The following TMEM232 variants were observed in gnomAD, a reference collection of about 807,000 sequenced individuals.
TMEM232 encodes transmembrane protein 232.
Under a neutral mutation model 78.8 loss-of-function variants are expected in TMEM232, and 80 were observed. The ratio of observed to expected loss-of-function variants is 1.01; its 90% CI spans 0.85 to 1.22. TMEM232 has a LOEUF of 1.22. TMEM232 is among the 50% of genes most tolerant of loss of function. The pLI is 0.00. For missense variants in TMEM232, 881 were observed against 742.2 expected, an observed-to-expected ratio of 1.19 and a Z score of -2.17; for synonymous variants, 297 against 254.3, an observed-to-expected ratio of 1.17 and a Z score of -1.60.
chr5:110,422,391 G>T (rs1756745437), intron 13 of TMEM232, among the ~76,000 whole-genome samples: 1 of 151,216 alleles, frequency 6.6e-6, no homozygotes, highest in African/African-American at 2.4e-5. Context: ...GTGGTGGCGG[G>T]TGCCTGTAGG....
chr5:110,663,393 T>C (rs749838968), intron 2 of TMEM232, among the ~76,000 whole-genome samples: 7 of 151,852 alleles, frequency 4.6e-5, no homozygotes, highest in Non-Finnish European at 8.8e-5. Context: ...AGAAAACACA[T>C]GGAAGTAATT....
At chr5:110,615,994 C>T (rs753720267) in intron 8 of TMEM232, among the ~76,000 whole-genome samples, 1 of 151,970 alleles carries the variant, frequency 6.6e-6, no homozygotes, top group Admixed American at 6.6e-5. Flanking sequence ...AATGTCCATA[C>T]TACCCAAAGT....
At chr5:110,519,606 C>T (rs1245433971) in intron 12 of TMEM232, among the ~76,000 whole-genome samples, 5 of 151,774 alleles carry the variant, frequency 3.3e-5, no homozygotes, top group African/African-American at 1.2e-4. Flanking sequence ...TATGTTTCAT[C>T]AATCCCACTG....
intron 12 of TMEM232, among the ~76,000 whole-genome samples, chr5:110,507,970 G>T (rs1336900144): frequency 6.6e-6 from 1 of 152,168 alleles, no homozygotes; most frequent in African/African-American, 2.4e-5. Context: ...CTTGATATCT[G>T]TATGCTAATA....
chr5:110,738,905 C>G, upstream of TMEM232: 1 of 1,299,294 alleles, frequency 7.7e-7, no homozygotes, highest in Non-Finnish European at 1.0e-6. Flanking sequence ...TCCAGGTTAC[C>G]GCCGCGTCTC....
chr5:110,661,528 T>A, intron 2 of TMEM232, among the ~76,000 whole-genome samples: 1 of 152,006 alleles, frequency 6.6e-6, no homozygotes, highest in Non-Finnish European at 1.5e-5. Context: ...CCCAGGCTGG[T>A]CTCAAACTCC....
chr5:110,428,566 A>G (rs943129950), intron 12 of TMEM232, among the ~76,000 whole-genome samples: 2 of 151,646 alleles, frequency 1.3e-5, no homozygotes, highest in Non-Finnish European at 3.0e-5. Flanking sequence ...AATTGACCTA[A>G]TCACATGAAT....
chr5:110,537,291 ATT>A (rs1377106617), intron 11 of TMEM232, among the ~76,000 whole-genome samples: 2 of 136,362 alleles, frequency 1.5e-5, no homozygotes, highest in African/African-American at 6.3e-5. Context: ...ATATATATAT[ATT>A]TTTTTTTTTC....
At position 110,585,750 on chromosome 5, in the gene TMEM232, A is replaced by G. The variant is rs1778737762; in HGVS notation, c.1277-17125T>C. ...GGCTGCAGTGAGCATGAGGGAGGAA[A>G]GAGTGCCTGCAGCAGTTTCTCATCC... On this transcript the variant is annotated intron_variant, in intron 10 of 13. Transcript: ENST00000455884. 2.0e-5 allele frequency among the ~76,000 whole-genome samples: 3 copies of G among 152,122 alleles called. No individual in the cohort carries two copies. In the South Asian group the frequency reaches 6.2e-4, roughly 31 times the overall value.
intron 11 of TMEM232, among the ~76,000 whole-genome samples, chr5:110,531,236 C>G (rs966955834): frequency 1.3e-5 from 2 of 152,110 alleles, no homozygotes; most frequent in African/African-American, 4.8e-5. Flanking sequence ...TTCACTGACT[C>G]TCTTTTTAGA....
At chr5:110,446,740 T>C (rs1284147160) in intron 12 of TMEM232, among the ~76,000 whole-genome samples, 1 of 152,152 alleles carries the variant, frequency 6.6e-6, no homozygotes, top group East Asian at 1.9e-4. Flanking sequence ...TGAGGTACAT[T>C]AGAAATTATT....
intron 11 of TMEM232, among the ~76,000 whole-genome samples, chr5:110,562,815 C>G (rs1421298467): frequency 1.3e-5 from 2 of 151,678 alleles, no homozygotes; most frequent in East Asian, 1.9e-4. Flanking sequence ...TCTGTAGTGT[C>G]TTAATATTAA....
chr5:110,404,396 A>C (rs190913155), intron 2 of TMEM232, among the ~76,000 whole-genome samples: 27 of 152,164 alleles, frequency 1.8e-4, no homozygotes, highest in African/African-American at 6.5e-4. Context: ...GGAGAAAAAA[A>C]CTATTTTATT....
At position 110,498,119 on chromosome 5, in the gene TMEM232, A is replaced by G. The variant is rs188771734; in HGVS notation, c.1703+30469T>C. ...ATAAGCATGGGAAATCATGTAATGTATATGTAAAATAAAGTATCCCAAATC... is the reference window on the plus strand; with the variant it reads ...ATAAGCATGGGAAATCATGTAATGTGTATGTAAAATAAAGTATCCCAAATC... On this transcript the variant is annotated intron_variant, in intron 12 of 13. Coordinates refer to ENST00000455884, the MANE Select transcript of TMEM232 (RefSeq NM_001039763.4). Among the ~76,000 whole-genome samples, 52 of 152,336 alleles carry G rather than the reference A, an allele frequency of 3.4e-4. 1 individual carries two copies. The East Asian group carries it at 9.3e-3, about 27-fold the overall frequency.
intron 12 of TMEM232, among the ~76,000 whole-genome samples, chr5:110,438,626 G>A (rs1052957348): frequency 1.1e-4 from 16 of 151,858 alleles, no homozygotes; most frequent in East Asian, 1.9e-4. Flanking sequence ...TTTACTTTCC[G>A]CAAGCAGAAT....
At chr5:110,685,815 C>A (rs1001124313) in intron 1 of TMEM232, among the ~76,000 whole-genome samples, 1 of 151,962 alleles carries the variant, frequency 6.6e-6, no homozygotes, top group Non-Finnish European at 1.5e-5. Context: ...TCAGTAACAA[C>A]AAAGAACAAA....
Position 110,605,053 on chromosome 5 carries a change from T to C in TMEM232, c.1276+56A>G, listed in dbSNP as rs566614852. ...TTTGAGTAGAATGCTTATTACTATA[T>C]GTAGACAGTGACACTTAAAAATATT... On this transcript the variant is annotated intron_variant, in intron 10 of 13. Coordinates refer to ENST00000455884, the MANE Select transcript of TMEM232 (RefSeq NM_001039763.4). The C allele has an allele frequency of 3.6e-4, 521 of 1,441,260 alleles. 1 individual carries two copies. The highest frequency in any genetic ancestry group is 4.2e-4 in the Non-Finnish European group (455 of 1,078,236). The allele number at this position is 1,441,260 out of a possible 1,614,324, so 89.3% of individuals were successfully genotyped here.
At chr5:110,503,990 CA>C (rs1766573078) in intron 12 of TMEM232, among the ~76,000 whole-genome samples, 1 of 152,020 alleles carries the variant, frequency 6.6e-6, no homozygotes, top group Admixed American at 6.6e-5. Context: ...GTGTGTTGTT[CA>C]AAATCAGACA....
intron 1 of TMEM232, among the ~76,000 whole-genome samples, chr5:110,680,387 ACTCT>A (rs1348750681): frequency 7.6e-6 from 1 of 132,288 alleles, no homozygotes; most frequent in Non-Finnish European, 1.6e-5. Context: ...ACAGAGTGAG[ACTCT>A]ATCTCAAAAA....
Sources: allele counts gnomAD v4.1 joint callset (sites outside exome capture counted in the v4.1 genomes callset), GRCh38; gene constraint gnomAD v4.1.1; transcripts MANE v1.5; gene names NCBI Gene and HGNC (gene_info 2026-07-23, HGNC 2026-07-21).